TSPAN9: variants seen among roughly 807,000 people sequenced by gnomAD.
TSPAN9 encodes the protein tetraspanin 9, also known as tetraspanin-9.
A neutral mutation model predicts 31.0 loss-of-function variants in TSPAN9; 16 were observed. The observed-to-expected ratio is 0.52, with a 90% CI of 0.35 to 0.78. TSPAN9 has a LOEUF of 0.78. Among genes scored for constraint, TSPAN9 ranks in the 30% least tolerant of loss-of-function variants. TSPAN9 has a pLI of 0.01. For missense variants in TSPAN9, 272 were observed against 312.5 expected, an observed-to-expected ratio of 0.87 and a Z score of 0.98; for synonymous variants, 145 against 121.6, an observed-to-expected ratio of 1.19 and a Z score of -1.27.
Position 3,281,320 on chromosome 12 carries a change from G to A in TSPAN9, c.555G>A (p.Leu185=), listed in dbSNP as rs953420501. The change falls in exon 7 of 9, where the codon TTG becomes TTA. Residue 185 remains leucine, a synonymous_variant. Transcript: ENST00000011898. ...GCGGGCGCAACGCCACCACGCCTTT[G>A]TGGAGAACGGTGAGGCTGGGGATGG... ...QGCGRNATTP[L]WRTGCYEKVK... is the part of the protein sequence containing the mutation. 3 of 1,550,080 alleles carry A rather than the reference G, an allele frequency of 1.9e-6. No individual in the cohort carries two copies. Among genetic ancestry groups the A allele is most frequent in the East Asian group, 2.4e-5 (1 of 40,854 alleles).
At chr12:3,222,071 T>A (rs886754027) in intron 3 of TSPAN9, among the ~76,000 whole-genome samples, 2 of 152,256 alleles carry the variant, frequency 1.3e-5, no homozygotes, top group Non-Finnish European at 2.9e-5. Context: ...TTAGGTGCTC[T>A]GTTATGAATG....
chr12:3,129,104 C>G (rs780228933), intron 2 of TSPAN9, among the ~76,000 whole-genome samples: 5 of 152,200 alleles, frequency 3.3e-5, no homozygotes, highest in Non-Finnish European at 7.3e-5. Flanking sequence ...GATTTCCTCC[C>G]TTTTTATGGC....
intron 3 of TSPAN9, among the ~76,000 whole-genome samples, chr12:3,232,573 A>G (rs1365249914): frequency 6.6e-6 from 1 of 152,218 alleles, no homozygotes; most frequent in Admixed American, 6.5e-5. Context: ...CCAGCTTTGC[A>G]TCGGAATCAC....
chr12:3,138,983 G>A (rs1479707289), intron 2 of TSPAN9, among the ~76,000 whole-genome samples: 6 of 152,184 alleles, frequency 3.9e-5, no homozygotes, highest in Admixed American at 1.3e-4. Flanking sequence ...AGAGCCCAGG[G>A]CTACAGGCTG....
chr12:3,163,209 C>T (rs2098346366), intron 2 of TSPAN9, among the ~76,000 whole-genome samples: 1 of 152,222 alleles, frequency 6.6e-6, no homozygotes. Context: ...ATTCATTTCA[C>T]CTCATTCCCC....
chr12:3,151,445 G>C (rs2098339689), intron 2 of TSPAN9: 3 of 152,204 alleles, frequency 2.0e-5, no homozygotes, highest in Admixed American at 2.0e-4. Flanking sequence ...CCTGTGGTGG[G>C]GATTGCTTAC....
intron 2 of TSPAN9, among the ~76,000 whole-genome samples, chr12:3,180,258 T>G (rs2098357978): frequency 6.6e-6 from 1 of 152,214 alleles, no homozygotes; most frequent in South Asian, 2.1e-4. Context: ...GGCTCACACT[T>G]GTAATCCCAG....
In TSPAN9 at chr12:3,236,548, T is replaced by C. The variant is rs143973208; in HGVS notation, c.63+35292T>C. The stretch of plus-strand genomic sequence containing the variant: ...AGGATGCTTCCTCCAGTAGATAAGA[T>C]GATATGTAAAGAACGCCCGGCATGC... On this transcript the variant is annotated intron_variant, in intron 3 of 8. Coordinates refer to ENST00000011898, the MANE Select transcript of TSPAN9 (RefSeq NM_006675.5). Among the ~76,000 whole-genome samples, 52 of 152,128 alleles carry C rather than the reference T, an allele frequency of 3.4e-4. 1 individual carries two copies. In the East Asian group the frequency reaches 7.5e-3, roughly 22 times the overall value.
intron 3 of TSPAN9, among the ~76,000 whole-genome samples, chr12:3,206,971 G>A (rs184685713): frequency 2.8e-4 from 43 of 152,300 alleles, no homozygotes; most frequent in Non-Finnish European, 5.6e-4. Context: ...CAGAGCCTAT[G>A]CCAGGGGAGA....
At chr12:3,109,303 A>AGTGT (rs1328395128) in intron 2 of TSPAN9, among the ~76,000 whole-genome samples, 17 of 32,360 alleles carry the variant, frequency 5.3e-4, no homozygotes, top group Middle Eastern at 0.012. Context: ...TGTGTGTGAG[A>AGTGT]GAGAGTGTGT....
At chr12:3,114,842 CAAA>C (rs34841785) in intron 2 of TSPAN9, among the ~76,000 whole-genome samples, 8 of 73,744 alleles carry the variant, frequency 1.1e-4, no homozygotes, top group Admixed American at 1.6e-4. Flanking sequence ...GGCTCCATCT[CAAA>C]AAAAAAAAAA....
intron 3 of TSPAN9, among the ~76,000 whole-genome samples, chr12:3,262,886 G>A (rs1387166745): frequency 6.6e-6 from 1 of 152,144 alleles, no homozygotes; most frequent in African/African-American, 2.4e-5. Context: ...CAGGAAATTG[G>A]CATCAGACCT....
chr12:3,188,408 A>T (rs1316666300), intron 2 of TSPAN9, among the ~76,000 whole-genome samples: 3 of 152,042 alleles, frequency 2.0e-5, no homozygotes, highest in Non-Finnish European at 4.4e-5. Context: ...GGCAGGGGGA[A>T]TATGCATTCA....
intron 2 of TSPAN9, among the ~76,000 whole-genome samples, chr12:3,182,917 G>A (rs986038623): frequency 6.6e-5 from 10 of 152,350 alleles, no homozygotes; most frequent in African/African-American, 9.6e-5. Context: ...ACAGAGTGGC[G>A]GAGACAGGGT....
rs146401210 is a variant in TSPAN9, at chr12:3,243,525, A to G, written c.64-34896A>G. Among the ~76,000 whole-genome samples the G allele has an allele frequency of 5.1e-4, 77 of 152,292 alleles. 1 individual carries two copies. Among genetic ancestry groups the G allele is most frequent in the African/African-American group, 1.8e-3 (75 of 41,562 alleles). On this transcript the variant is annotated intron_variant, in intron 3 of 8. Coordinates refer to ENST00000011898, the MANE Select transcript of TSPAN9 (RefSeq NM_006675.5). Reference sequence around the variant, plus strand: ...CCGATCCCCTCATCCCCACAGGGCTAAGCCCTGAGCCCAGGAGATAGGGCT... The same window carrying G: ...CCGATCCCCTCATCCCCACAGGGCTGAGCCCTGAGCCCAGGAGATAGGGCT...
chr12:3,083,267 T>A (rs1371638757), intron 1 of TSPAN9, among the ~76,000 whole-genome samples: 3 of 152,210 alleles, frequency 2.0e-5, no homozygotes, highest in African/African-American at 7.2e-5. Flanking sequence ...CTTTTACATA[T>A]CTTGAAACTT....
At chr12:3,267,301 G>T (rs1231565514) in intron 3 of TSPAN9, among the ~76,000 whole-genome samples, 1 of 152,210 alleles carries the variant, frequency 6.6e-6, no homozygotes, top group Non-Finnish European at 1.5e-5. Context: ...ATATTCTGAG[G>T]AACACAAAGT....
At chr12:3,206,139 A>G in intron 3 of TSPAN9, 2 of 382,612 alleles carry the variant, frequency 5.2e-6, no homozygotes, top group Non-Finnish European at 1.1e-5. Flanking sequence ...TCCTATCTCC[A>G]TGTGCCTGGC....
At chr12:3,146,968 C>A (rs1283756344) in intron 2 of TSPAN9, among the ~76,000 whole-genome samples, 1 of 152,120 alleles carries the variant, frequency 6.6e-6, no homozygotes, top group African/African-American at 2.4e-5. Context: ...TCAGTTTCCT[C>A]ATCGGAAAAT....
Sources: allele counts gnomAD v4.1 joint callset (sites outside exome capture counted in the v4.1 genomes callset), GRCh38; gene constraint gnomAD v4.1.1; transcripts MANE v1.5; gene names NCBI Gene and HGNC (gene_info 2026-07-23, HGNC 2026-07-21).